Variants in ARMC2 observed in about 807,000 individuals in gnomAD.
ARMC2 encodes armadillo repeat containing 2.
In ARMC2, 67 loss-of-function variants were observed where a neutral mutation model predicts 90.3. The ratio of observed to expected loss-of-function variants is 0.74; its 90% CI spans 0.61 to 0.91. The LOEUF is 0.91. Among genes scored for constraint, ARMC2 ranks in the 40% least tolerant of loss-of-function variants. The pLI is 0.00. For synonymous variants in ARMC2, 393 were observed against 393.0 expected, an observed-to-expected ratio of 1.00 and a Z score of 0.00; for missense variants, 920 against 1,030.9, an observed-to-expected ratio of 0.89 and a Z score of 1.47.
chr6:108,894,445 G>C, intron 5 of ARMC2, 22 bp from the exon 6 acceptor site: 2 of 1,594,762 alleles, frequency 1.3e-6, no homozygotes. Flanking sequence ...TTTGCGCTGA[G>C]TGTTTTATGT....
the ARMC2 span, among the ~76,000 whole-genome samples, chr6:109,044,964 G>C: frequency 6.6e-6 from 1 of 151,936 alleles, no homozygotes; most frequent in East Asian, 1.9e-4. Context: ...TAGAGGTTGC[G>C]GTGAGCTGAG....
intron 8 of ARMC2, chr6:108,907,480 C>A (rs4946939): frequency 4.0e-5 from 15 of 375,302 alleles, no homozygotes; most frequent in Non-Finnish European, 5.4e-5. Context: ...TTTTTTTTAC[C>A]AGTCATCTTT....
chr6:108,963,540 C>A (rs1778146588), intron 15 of ARMC2, among the ~76,000 whole-genome samples: 1 of 152,196 alleles, frequency 6.6e-6, no homozygotes, highest in Non-Finnish European at 1.5e-5. Context: ...TGGGAGGAGG[C>A]AGAATGCACA....
chr6:108,992,175 C>T, the ARMC2 span, among the ~76,000 whole-genome samples: 1 of 152,176 alleles, frequency 6.6e-6, no homozygotes, highest in South Asian at 2.1e-4. Flanking sequence ...CACAACTCAC[C>T]GCAGCCTCAA....
the ARMC2 span, chr6:109,000,563 T>C: frequency 1.9e-6 from 3 of 1,612,152 alleles, no homozygotes; most frequent in South Asian, 3.3e-5. Context: ...AATTCTGTAG[T>C]TTTTGAGGAG....
At chr6:108,966,123 G>T (rs934840758) in intron 17 of ARMC2, among the ~76,000 whole-genome samples, 1 of 144,600 alleles carries the variant, frequency 6.9e-6, no homozygotes, top group Non-Finnish European at 1.5e-5. Flanking sequence ...CTAGATCCAG[G>T]AGGCCATGTG....
rs371262037 is a variant in ARMC2, at chr6:108,926,999, TA to T, written c.1351-1088del. On this transcript the variant is annotated intron_variant, in intron 10 of 17. Coordinates refer to ENST00000392644, the MANE Select transcript of ARMC2 (RefSeq NM_032131.6). The stretch of plus-strand genomic sequence containing the variant: ...TAATGTATCTTTTTGTTGCTGTTGT[TA>T]TAAGGAAAAACTAATCATGTCATCT... 4.1e-4 allele frequency among the ~76,000 whole-genome samples: 63 copies of T among 152,098 alleles called. No homozygotes were observed. In the East Asian group the frequency reaches 0.01, roughly 25 times the overall value.
chr6:108,997,704 T>C, the ARMC2 span, among the ~76,000 whole-genome samples: 1 of 152,202 alleles, frequency 6.6e-6, no homozygotes, highest in Non-Finnish European at 1.5e-5. Context: ...ATTCAACCTG[T>C]CAAATCTATT....
chr6:108,928,450 GGTT>G (rs1775279664), intron 11 of ARMC2, among the ~76,000 whole-genome samples: 1 of 152,132 alleles, frequency 6.6e-6, no homozygotes, highest in Non-Finnish European at 1.5e-5. Flanking sequence ...TAAACTCATT[GGTT>G]GTTAAGTCAT....
At chr6:109,024,242 T>G in the ARMC2 span, among the ~76,000 whole-genome samples, 1 of 152,206 alleles carries the variant, frequency 6.6e-6, no homozygotes, top group Non-Finnish European at 1.5e-5. Context: ...TACAAAATTA[T>G]AACAAGCTTC....
At chr6:108,884,552 G>T (rs147445584) in intron 5 of ARMC2, among the ~76,000 whole-genome samples, 1 of 152,124 alleles carries the variant, frequency 6.6e-6, no homozygotes, top group South Asian at 2.1e-4. Flanking sequence ...GTTGATTTTC[G>T]TGAGGGATGG....
chr6:108,977,459 C>CT (rs887145819), downstream of ARMC2, among the ~76,000 whole-genome samples: 4 of 152,016 alleles, frequency 2.6e-5, no homozygotes, highest in Non-Finnish European at 5.9e-5. Flanking sequence ...CTTAAATTTT[C>CT]TTTTTTTGTT....
At chr6:108,921,850 G>A (rs539274589) in intron 10 of ARMC2, among the ~76,000 whole-genome samples, 2 of 152,336 alleles carry the variant, frequency 1.3e-5, no homozygotes, top group African/African-American at 4.8e-5. Context: ...TTGAGACAAA[G>A]CTCGAGGGAT....
chr6:109,000,669 G>T, the ARMC2 span: 5 of 1,566,854 alleles, frequency 3.2e-6, no homozygotes, highest in Non-Finnish European at 2.6e-6. Flanking sequence ...ATGTCTTGCC[G>T]CAGCCTTAAA....
chr6:108,962,774 G>T (rs117747094), intron 15 of ARMC2, among the ~76,000 whole-genome samples: 1 of 152,190 alleles, frequency 6.6e-6, no homozygotes, highest in Admixed American at 6.5e-5. Context: ...GGAGGCTAAG[G>T]TGGGAGGATT....
At chr6:108,891,171 T>A (rs1414596743) in intron 5 of ARMC2, among the ~76,000 whole-genome samples, 1 of 152,230 alleles carries the variant, frequency 6.6e-6, no homozygotes, top group Non-Finnish European at 1.5e-5. Context: ...TTTGGGTTGG[T>A]TCCAAGTTTT....
intron 15 of ARMC2, among the ~76,000 whole-genome samples, chr6:108,962,658 G>T (rs896147183): frequency 6.6e-6 from 1 of 152,178 alleles, no homozygotes; most frequent in Non-Finnish European, 1.5e-5. Flanking sequence ...AGGTATTCAC[G>T]TAGTGATGCT....
At chr6:108,926,070 T>G (rs1163845868) in intron 10 of ARMC2, among the ~76,000 whole-genome samples, 4 of 152,190 alleles carry the variant, frequency 2.6e-5, no homozygotes, top group Non-Finnish European at 5.9e-5. Context: ...TATGGTCCTT[T>G]CTGCTGGCAA....
At chr6:108,912,650 T>TA (rs1773555846) in intron 10 of ARMC2, 92 bp downstream of exon 10, 1 of 1,188,556 alleles carries the variant, frequency 8.4e-7, no homozygotes, top group South Asian at 1.5e-5. Context: ...AAGAGGCCCC[T>TA]ACAGCCAGGT....
Sources: allele counts gnomAD v4.1 joint callset (sites outside exome capture counted in the v4.1 genomes callset), GRCh38; gene constraint gnomAD v4.1.1; transcripts MANE v1.5; gene names NCBI Gene and HGNC (gene_info 2026-07-23, HGNC 2026-07-21).